INPP5J: variants seen among roughly 807,000 people sequenced by gnomAD.
The protein encoded by INPP5J is phosphatidylinositol 4,5-bisphosphate 5-phosphatase A.
In INPP5J, 75 loss-of-function variants were observed where a neutral mutation model predicts 86.6. The ratio of observed to expected loss-of-function variants is 0.87; its 90% CI spans 0.72 to 1.05. The LOEUF (loss-of-function observed/expected upper bound fraction) is 1.05, where lower values mean the gene tolerates loss of function less well. Among genes scored for constraint, INPP5J ranks in the 50% least tolerant of loss-of-function variants. The probability of loss-of-function intolerance (pLI) is 0.00; values close to 1 mark genes in which losing one functional copy is unlikely to be tolerated. For missense variants in INPP5J, 1,229 were observed against 1,341.2 expected, an observed-to-expected ratio of 0.92 and a Z score of 1.31; for synonymous variants, 540 against 550.0, an observed-to-expected ratio of 0.98 and a Z score of 0.25.
intron 10 of INPP5J, 40 bp from the exon 11 acceptor site, chr22:31,133,366 A>G (rs781512695): frequency 1.9e-6 from 3 of 1,608,160 alleles, no homozygotes; most frequent in Non-Finnish European, 2.6e-6. Context: ...ATCAGACATT[A>G]TAGGGTCACA....
At position 31,133,454 on chromosome 22, in the gene INPP5J, C is replaced by T; in HGVS notation, c.2380C>T (p.His794Tyr). 1 of 1,613,888 alleles carries T rather than the reference C, an allele frequency of 6.2e-7. No individual in the cohort carries two copies. Among genetic ancestry groups the T allele is most frequent in the Non-Finnish European group, 8.5e-7 (1 of 1,179,818 alleles). ...CTATGTGGCTTATGTCTGGGCCAAACATGAAGATGTGGATGGGAATACCTA... is the reference window on the plus strand; with the variant it reads ...CTATGTGGCTTATGTCTGGGCCAAATATGAAGATGTGGATGGGAATACCTA... ...KDYVAYVWAK[H>Y]EDVDGNTYQV... Residue 794 changes from histidine to tyrosine, a missense_variant, in exon 11 of 13, where the codon CAT (histidine) becomes TAT (tyrosine). Physicochemically the swap from His to Tyr is moderately conservative, Grantham distance 83 (BLOSUM62 2). Transcript: ENST00000331075.
At chr22:31,128,084 G>T (rs566478588) in intron 7 of INPP5J, 22 bp downstream of exon 7, 1 of 1,554,928 alleles carries the variant, frequency 6.4e-7, no homozygotes. Context: ...GTCCCCAGAA[G>T]CACACAGAGC....
chr22:31,125,174 A>G lies in INPP5J; in HGVS notation c.435A>G (p.Ser145=). 6.4e-7 allele frequency: 1 copy of G among 1,550,448 alleles called. No individual in the cohort carries two copies. Among genetic ancestry groups the G allele is most frequent in the Non-Finnish European group, 8.7e-7 (1 of 1,146,966 alleles). Residue 145 remains serine (S), a synonymous_variant, in exon 2 of 13, where the codon TCA becomes TCG. Coordinates refer to ENST00000331075, the MANE Select transcript of INPP5J (RefSeq NM_001284285.2). ...PTSLGLVMPA[S]AGPRSPPVTL... ...CCCTGGGGCTGGTGATGCCTGCCTC[A>G]GCAGGGCCAAGATCTCCCCCAGTCA...
chr22:31,133,392 C>T lies in INPP5J; in HGVS notation c.2332-14C>T. 6.2e-7 allele frequency: 1 copy of T among 1,613,456 alleles called. No individual in the cohort carries two copies. The highest frequency in any genetic ancestry group is 8.5e-7 in the Non-Finnish European group (1 of 1,179,502). On this transcript the variant is annotated splice_polypyrimidine_tract_variant and intron_variant, in intron 10 of 12. Transcript: ENST00000331075. ...TAGGGTCACAACACTGATTCCACAACACTGATCCCCCAGGTGGGTTTCCGC... is the reference window on the plus strand; with the variant it reads ...TAGGGTCACAACACTGATTCCACAATACTGATCCCCCAGGTGGGTTTCCGC...
At position 31,127,355 on chromosome 22, in the gene INPP5J, A is replaced by C. The variant is rs780209253; in HGVS notation, c.1612-2A>C. On this transcript the variant is annotated splice_acceptor_variant, in intron 5 of 12. Coordinates refer to ENST00000331075, the MANE Select transcript of INPP5J (RefSeq NM_001284285.2). LOFTEE classifies it high-confidence loss of function. ...ATGAGCCATCCGACCCTGCCTCCCTAGGGTAACAAGGGTGGCGTGAGCGTG... is the reference window on the plus strand; with the variant it reads ...ATGAGCCATCCGACCCTGCCTCCCTCGGGTAACAAGGGTGGCGTGAGCGTG... 2 of 1,606,640 alleles carry C rather than the reference A, an allele frequency of 1.2e-6. No individual in the cohort carries two copies. Among genetic ancestry groups the C allele is most frequent in the Non-Finnish European group, 1.7e-6 (2 of 1,176,400 alleles).
chr22:31,134,282 C>T lies in INPP5J; in HGVS notation c.2884C>T (p.Pro962Ser). Residue 962 changes from proline to serine, a missense_variant, in exon 13 of 13, where the codon CCC becomes TCC. Physicochemically the swap from Pro to Ser is moderately conservative, Grantham distance 74 (BLOSUM62 -1). Coordinates refer to ENST00000331075, the MANE Select transcript of INPP5J (RefSeq NM_001284285.2). ...PAVPRSLGLL[P>S]ALRLETVDPG... ...TGTGCCTCGAAGCCTGGGCCTGTTG[C>T]CCGCCTTGCGCCTAGAGACTGTAGA... The T allele has an allele frequency of 6.4e-7, 1 of 1,553,968 alleles. No individual in the cohort carries two copies.
chr22:31,132,232 G>T (rs924329962), intron 9 of INPP5J, among the ~76,000 whole-genome samples: 1 of 152,176 alleles, frequency 6.6e-6, no homozygotes, highest in East Asian at 1.9e-4. Context: ...GTGGACTGAG[G>T]TCTCCATCCT....
At position 31,134,369 on chromosome 22, in the gene INPP5J, C is replaced by T. The variant is rs750023255; in HGVS notation, c.2971C>T (p.Pro991Ser). The change falls in exon 13 of 13, where the codon CCT becomes TCT. Residue 991 changes from proline (P) to serine (S), a missense_variant. Physicochemically the swap from Pro to Ser is moderately conservative, Grantham distance 74. Coordinates refer to ENST00000331075, the MANE Select transcript of INPP5J (RefSeq NM_001284285.2). ...GGCCCTGGCGCCCAACAGCCTGTCT[C>T]CTAGTCCCCAGGGCCATCGGGGGCT... is the stretch of plus-strand genomic sequence containing the variant. ...REALAPNSLSPSPQGHRGLEE... is the reference protein window; with the variant it reads ...REALAPNSLSSSPQGHRGLEE... 1.8e-5 allele frequency: 27 copies of T among 1,517,854 alleles called. No homozygotes were observed. Among genetic ancestry groups the T allele is most frequent in the Non-Finnish European group, 2.3e-5 (26 of 1,132,232 alleles). The allele number at this position is 1,517,854 out of a possible 1,614,324, so 94.0% of individuals were successfully genotyped here.
rs780133085 is a variant in INPP5J, at chr22:31,126,749, C to G, written c.1494+28C>G. 4 of 1,575,590 alleles carry G rather than the reference C, an allele frequency of 2.5e-6. No individual in the cohort carries two copies. In the East Asian group the frequency reaches 8.9e-5, roughly 35 times the overall value. ...AACGCACCCCTCACCCCCTGGACAGCCAGAGACCCTGCTGAATTCCTGGCT... is the reference window on the plus strand; with the variant it reads ...AACGCACCCCTCACCCCCTGGACAGGCAGAGACCCTGCTGAATTCCTGGCT... On this transcript the variant is annotated intron_variant, in intron 4 of 12. Coordinates refer to ENST00000331075, the MANE Select transcript of INPP5J (RefSeq NM_001284285.2).
chr22:31,126,075 G>A, intron 2 of INPP5J, 65 bp downstream of exon 2: 2 of 1,398,806 alleles, frequency 1.4e-6, no homozygotes, highest in Non-Finnish European at 1.9e-6. Flanking sequence ...ATTCTTCCAG[G>A]GTGGATGGTG....
intron 10 of INPP5J, 39 bp downstream of exon 10, chr22:31,133,274 AG>A (rs758418586): frequency 1.2e-6 from 2 of 1,602,842 alleles, no homozygotes; most frequent in Non-Finnish European, 1.7e-6. Flanking sequence ...CAGGGAAGAA[AG>A]GGGCCTGGAG....
intron 12 of INPP5J, 40 bp downstream of exon 12, chr22:31,133,754 C>A: frequency 6.3e-7 from 1 of 1,581,750 alleles, no homozygotes; most frequent in Non-Finnish European, 8.7e-7. Context: ...TGCCTAAAGA[C>A]TTTTGTCAAA....
At chr22:31,128,154 C>T (rs1341064652) in intron 7 of INPP5J, 60 bp from the exon 8 acceptor site, 3 of 1,450,794 alleles carry the variant, frequency 2.1e-6, no homozygotes, top group African/African-American at 2.8e-5. Context: ...GCCCCACCCC[C>T]TCCCTGGGCA....
intron 6 of INPP5J, 72 bp from the exon 7 acceptor site, chr22:31,127,879 C>A: frequency 3.3e-6 from 3 of 901,484 alleles, no homozygotes; most frequent in South Asian, 2.9e-5. Flanking sequence ...CTGGGCTGAG[C>A]CCTTATCCTC....
intron 6 of INPP5J, 87 bp from the exon 7 acceptor site, chr22:31,127,864 A>G: frequency 2.5e-6 from 2 of 811,018 alleles, no homozygotes; most frequent in Non-Finnish European, 2.1e-6. Flanking sequence ...ATGGGCTGGA[A>G]GGATCTGGGC....
intron 9 of INPP5J, among the ~76,000 whole-genome samples, chr22:31,130,042 T>TA (rs1264286719): frequency 2.0e-5 from 3 of 150,756 alleles, no homozygotes; most frequent in Admixed American, 6.6e-5. Flanking sequence ...ACACTGTCTT[T>TA]AAAAAAAATC....
intron 12 of INPP5J, 99 bp downstream of exon 12, chr22:31,133,813 C>A: frequency 6.3e-7 from 1 of 1,587,574 alleles, no homozygotes; most frequent in South Asian, 1.1e-5. Context: ...AATAACCTGA[C>A]CTCCCAAGAT....
At position 31,133,241 on chromosome 22, in the gene INPP5J, A is replaced by G. The variant is rs1270598123; in HGVS notation, c.2331+6A>G. The G allele has an allele frequency of 1.2e-6, 2 of 1,605,924 alleles. No individual in the cohort carries two copies. The highest frequency in any genetic ancestry group is 2.7e-5 in the African/African-American group (2 of 74,788). On this transcript the variant is annotated splice_donor_region_variant and intron_variant, in intron 10 of 12. Coordinates refer to ENST00000331075, the MANE Select transcript of INPP5J (RefSeq NM_001284285.2). The stretch of plus-strand genomic sequence containing the variant: ...ACTGGATCGGCTTATACCGGGTGAG[A>G]GGGGCAGTGGTGGTCAGCGACTCAG...
chr22:31,130,786 T>C (rs1921997124), intron 9 of INPP5J, among the ~76,000 whole-genome samples: 1 of 152,198 alleles, frequency 6.6e-6, no homozygotes, highest in Non-Finnish European at 1.5e-5. Context: ...TAATTTATAT[T>C]GTATTTAGGA....
Sources: allele counts gnomAD v4.1 joint callset (sites outside exome capture counted in the v4.1 genomes callset), GRCh38; gene constraint gnomAD v4.1.1; transcripts MANE v1.5; gene names NCBI Gene and HGNC (gene_info 2026-07-23, HGNC 2026-07-21).